Variants in SIL1 observed in about 807,000 individuals in gnomAD.
SIL1 encodes SIL1 nucleotide exchange factor, also known as nucleotide exchange factor SIL1.
Under a neutral mutation model 49.1 loss-of-function variants are expected in SIL1, and 40 were observed. The ratio of observed to expected loss-of-function variants is 0.81; its 90% CI spans 0.63 to 1.06. SIL1 has a LOEUF of 1.06. Among genes scored for constraint, SIL1 ranks in the 50% least tolerant of loss-of-function variants. SIL1 has a pLI of 0.00. For missense variants in SIL1, 500 were observed against 572.6 expected (o/e 0.87, Z 1.29); for synonymous variants, 253 against 250.8 (o/e 1.01, Z -0.08).
chr5:139,085,460 C>A (rs533728368), intron 3 of SIL1, among the ~76,000 whole-genome samples: 1 of 152,006 alleles, frequency 6.6e-6, no homozygotes, highest in Admixed American at 6.6e-5. Flanking sequence ...ATACACCTGG[C>A]GTTGGGAAAA....
At chr5:139,103,066 AC>A (rs1770628262) in intron 3 of SIL1, among the ~76,000 whole-genome samples, 1 of 152,092 alleles carries the variant, frequency 6.6e-6, no homozygotes, top group Non-Finnish European at 1.5e-5. Flanking sequence ...TTGGTCTCCC[AC>A]CTCAAAATTC....
At chr5:139,075,925 T>C (rs1769939398) in intron 3 of SIL1, among the ~76,000 whole-genome samples, 2 of 152,196 alleles carry the variant, frequency 1.3e-5, no homozygotes, top group Admixed American at 1.3e-4. Context: ...CATGGAAAGC[T>C]GGCCAGTTGT....
intron 7 of SIL1, among the ~76,000 whole-genome samples, chr5:138,976,370 T>C (rs1291551709): frequency 6.7e-6 from 1 of 150,282 alleles, no homozygotes; most frequent in Non-Finnish European, 1.5e-5. Flanking sequence ...TGGAATGCAG[T>C]GGCACGATCT....
intron 1 of SIL1, among the ~76,000 whole-genome samples, chr5:139,141,021 C>T (rs1441419834): frequency 1.3e-5 from 2 of 152,108 alleles, no homozygotes; most frequent in Admixed American, 1.3e-4. Context: ...CCTGCCAAGA[C>T]GTCCCCCCGC....
chr5:139,183,171 C>A (rs1007941922), intron 1 of SIL1, among the ~76,000 whole-genome samples: 1 of 152,230 alleles, frequency 6.6e-6, no homozygotes, highest in Non-Finnish European at 1.5e-5. Context: ...TGGCCCGGCA[C>A]AGGTCAGGTC....
chr5:139,194,018 T>C (rs1226245026), intron 1 of SIL1, among the ~76,000 whole-genome samples: 2 of 152,356 alleles, frequency 1.3e-5, no homozygotes, highest in East Asian at 1.9e-4. Context: ...TGGCAGAGAA[T>C]GTTACTCATG....
intron 1 of SIL1, among the ~76,000 whole-genome samples, chr5:139,154,584 C>G (rs991820839): frequency 2.0e-5 from 3 of 152,194 alleles, no homozygotes; most frequent in African/African-American, 7.2e-5. Context: ...AAGAAGGAAA[C>G]CAGGTGAGCC....
At chr5:139,045,902 T>C (rs1410418231) in intron 4 of SIL1, among the ~76,000 whole-genome samples, 3 of 152,240 alleles carry the variant, frequency 2.0e-5, no homozygotes, top group African/African-American at 7.2e-5. Flanking sequence ...CAGTCTCTGT[T>C]ATGATACCCT....
At chr5:138,987,853 G>A (rs1054266726) in intron 7 of SIL1, among the ~76,000 whole-genome samples, 2 of 152,018 alleles carry the variant, frequency 1.3e-5, no homozygotes, top group Non-Finnish European at 2.9e-5. Context: ...TTTATTTTTT[G>A]AGACAAGAGT....
At chr5:139,143,119 C>A (rs1751113043) in intron 1 of SIL1, among the ~76,000 whole-genome samples, 2 of 151,254 alleles carry the variant, frequency 1.3e-5, no homozygotes, top group South Asian at 4.2e-4. Flanking sequence ...CTAGCCAGAG[C>A]AATTAGGCAA....
rs574951181 is a variant in SIL1 at position 139,172,558 on chromosome 5, G to A, written c.-11+25711C>T. On this transcript the variant is annotated intron_variant, in intron 1 of 9. Transcript: ENST00000394817. ...TGAGGCAGGAGAACTGCTTGAACCCGGGAGGTGGAGGTTGCAGTGAGGCAA... is the reference window on the plus strand; with the variant it reads ...TGAGGCAGGAGAACTGCTTGAACCCAGGAGGTGGAGGTTGCAGTGAGGCAA... Among the ~76,000 whole-genome samples, 9 of 152,134 alleles carry A rather than the reference G, an allele frequency of 5.9e-5. No individual in the cohort carries two copies. The South Asian group carries it at 8.3e-4, about 14-fold the overall frequency.
intron 3 of SIL1, among the ~76,000 whole-genome samples, chr5:139,104,361 CCT>C (rs1312253126): frequency 6.6e-6 from 1 of 152,196 alleles, no homozygotes; most frequent in African/African-American, 2.4e-5. Flanking sequence ...GGCCAGAAGT[CCT>C]CTCTCTGTTC....
intron 4 of SIL1, among the ~76,000 whole-genome samples, chr5:139,048,369 GTTTTTT>G (rs35482601): frequency 2.3e-5 from 2 of 87,760 alleles, no homozygotes; most frequent in Admixed American, 1.2e-4. Context: ...TTTGTTGTTG[GTTTTTT>G]TTTTTTTTTT....
chr5:138,946,848 C>A lies in SIL1; in HGVS notation c.*269G>T. On this transcript the variant is annotated 3_prime_UTR_variant, in exon 10 of 10. Coordinates refer to ENST00000394817, the MANE Select transcript of SIL1 (RefSeq NM_022464.5). ...AAGCAGAGACTTGCAACTCCTGGGC[C>A]CAGGTTCCTGCCCTGGAGCCTGTTC... is the stretch of plus-strand genomic sequence containing the variant. 1 of 525,662 alleles carries A rather than the reference C, an allele frequency of 1.9e-6. No homozygotes were observed. The highest frequency in any genetic ancestry group is 3.5e-6 in the Non-Finnish European group (1 of 288,930). The allele number at this position is 525,662 out of a possible 1,614,324, so 32.6% of individuals were successfully genotyped here.
chr5:139,170,641 C>A (rs1401464801), intron 1 of SIL1, among the ~76,000 whole-genome samples: 2 of 151,194 alleles, frequency 1.3e-5, no homozygotes, highest in African/African-American at 2.4e-5. Flanking sequence ...GCAACCGCCC[C>A]ATCTGAGAAG....
chr5:139,182,510 CTG>C (rs983310772), intron 1 of SIL1, among the ~76,000 whole-genome samples: 1 of 152,200 alleles, frequency 6.6e-6, no homozygotes, highest in Non-Finnish European at 1.5e-5. Context: ...TAGAATCTAA[CTG>C]TTCCTATTGT....
At chr5:139,038,101 C>G (rs1768958704) in intron 5 of SIL1, among the ~76,000 whole-genome samples, 1 of 152,112 alleles carries the variant, frequency 6.6e-6, no homozygotes, top group Non-Finnish European at 1.5e-5. Flanking sequence ...ATGACCTCAC[C>G]TAAATCTAAT....
At chr5:139,110,314 G>C (rs916778886) in intron 3 of SIL1, among the ~76,000 whole-genome samples, 1 of 151,430 alleles carries the variant, frequency 6.6e-6, no homozygotes, top group African/African-American at 2.4e-5. Flanking sequence ...TAAGGAAAAA[G>C]AACTTTACAA....
In SIL1 at chr5:139,170,860, C is replaced by T. The variant is rs1236845953; in HGVS notation, c.-11+27409G>A. ...CCCCCGCCCGGCCAGCCGCCCCGTC[C>T]GGGAGGTGAGGGGCGCCTCTGCCCA... On this transcript the variant is annotated intron_variant, in intron 1 of 9. Coordinates refer to ENST00000394817, the MANE Select transcript of SIL1 (RefSeq NM_022464.5). Among the ~76,000 whole-genome samples, 35 of 142,454 alleles carry T rather than the reference C, an allele frequency of 2.5e-4. No homozygotes were observed. The South Asian group carries it at 2.7e-3, about 11-fold the overall frequency. The allele number at this position is 142,454 out of a possible 152,430, so 93.5% of individuals were successfully genotyped here.
Sources: gnomAD v4.1 joint callset for allele counts (sites outside exome capture counted in the v4.1 genomes callset) on GRCh38, gnomAD v4.1.1 for gene constraint, MANE v1.5 for transcripts, NCBI Gene and HGNC (gene_info 2026-07-23, HGNC 2026-07-21) for gene names.